Variants in HTR2C observed in about 807,000 individuals in gnomAD.
HTR2C encodes the protein 5-hydroxytryptamine receptor 2C.
HTR2C carries 5 observed loss-of-function variants against 21.0 expected under a neutral mutation model. The observed-to-expected ratio is 0.24, with a 90% CI of 0.12 to 0.50. HTR2C has a LOEUF of 0.50. Among genes scored for constraint, HTR2C ranks in the 20% least tolerant of loss-of-function variants. The pLI, the probability that HTR2C is intolerant of heterozygous loss-of-function variation, is 0.98. For missense variants in HTR2C, 271 were observed against 371.2 expected (o/e 0.73, Z 2.22); for synonymous variants, 150 against 145.3 (o/e 1.03, Z -0.23).
chrX:114,886,465 C>G (rs2071220822), intron 5 of HTR2C, among the ~76,000 whole-genome samples: 1 of 110,321 alleles, frequency 9.1e-6, no homozygotes, highest in African/African-American at 3.3e-5. Context: ...TGGATATTTT[C>G]TAATGTAGCA....
chrX:114,644,514 C>T (rs1476107037), intron 2 of HTR2C, among the ~76,000 whole-genome samples: 1 of 101,162 alleles, frequency 9.9e-6, no homozygotes, highest in Non-Finnish European at 2.0e-5. Context: ...CATGGGATTA[C>T]TAGAACCATT....
intron 2 of HTR2C, among the ~76,000 whole-genome samples, chrX:114,687,062 T>C (rs1336185796): frequency 9.0e-6 from 1 of 111,031 alleles, no homozygotes; most frequent in African/African-American, 3.3e-5. Context: ...GACACTGACT[T>C]AATTACACTG....
intron 5 of HTR2C, among the ~76,000 whole-genome samples, chrX:114,860,865 G>T (rs2071001290): frequency 9.0e-6 from 1 of 110,839 alleles, no homozygotes; most frequent in African/African-American, 3.3e-5. Flanking sequence ...TCACTGATCT[G>T]CTTTCTGTCA....
At chrX:114,804,863 A>ACCATTT (rs1407717407) in intron 4 of HTR2C, among the ~76,000 whole-genome samples, 1 of 111,723 alleles carries the variant, frequency 9.0e-6, no homozygotes, top group African/African-American at 3.3e-5. Flanking sequence ...TTTTTATGCT[A>ACCATTT]CCATTTGTTG....
intron 2 of HTR2C, among the ~76,000 whole-genome samples, chrX:114,726,146 G>T (rs1556421906): frequency 8.9e-6 from 1 of 112,254 alleles, no homozygotes; most frequent in East Asian, 2.8e-4. Flanking sequence ...ATCTCAGACT[G>T]CTGTGCTAGC....
At chrX:114,787,946 CAA>C (rs1204419085) in intron 4 of HTR2C, among the ~76,000 whole-genome samples, 31 of 33,749 alleles carry the variant, frequency 9.2e-4, no homozygotes, top group Middle Eastern at 0.019. Flanking sequence ...GACTCTGTCT[CAA>C]AAAAAAAAAA....
chrX:114,590,266 TA>T (rs2147787063), intron 1 of HTR2C, among the ~76,000 whole-genome samples: 1 of 112,158 alleles, frequency 8.9e-6, no homozygotes, highest in African/African-American at 3.2e-5. Flanking sequence ...AGTAGGTTTT[TA>T]AAAATTCAAA....
chrX:114,589,204 G>A (rs1395776557), intron 1 of HTR2C, among the ~76,000 whole-genome samples: 1 of 111,832 alleles, frequency 8.9e-6, no homozygotes, highest in Non-Finnish European at 1.9e-5. Context: ...TCCTCGATAT[G>A]CTGCTTGGCA....
intron 4 of HTR2C, 93 bp downstream of exon 4, chrX:114,731,700 C>T: frequency 5.7e-6 from 4 of 698,418 alleles, no homozygotes; most frequent in Non-Finnish European, 6.3e-6. Flanking sequence ...TTACTTGTAA[C>T]ATTTGGAAAA....
chrX:114,718,997 T>TG (rs1933092854), intron 2 of HTR2C, among the ~76,000 whole-genome samples: 1 of 10,387 alleles, frequency 9.6e-5, no homozygotes, highest in African/African-American at 1.6e-4. Flanking sequence ...AATAATATAA[T>TG]ATATAATAAT....
intron 4 of HTR2C, among the ~76,000 whole-genome samples, chrX:114,843,417 T>A (rs1168103416): frequency 9.0e-6 from 1 of 111,438 alleles, no homozygotes; most frequent in African/African-American, 3.3e-5. Context: ...AGGTCAATTG[T>A]GATTATCCAG....
intron 4 of HTR2C, among the ~76,000 whole-genome samples, chrX:114,761,335 G>GT (rs1178725778): frequency 1.8e-5 from 2 of 110,686 alleles, no homozygotes; most frequent in Non-Finnish European, 3.8e-5. Context: ...TAAAAGGGTT[G>GT]TTTTTTATCA....
intron 4 of HTR2C, among the ~76,000 whole-genome samples, chrX:114,806,736 C>T (rs868915499): frequency 1.4e-5 from 1 of 73,204 alleles, no homozygotes; most frequent in African/African-American, 5.0e-5. Flanking sequence ...CATATATATA[C>T]ACACCATATA....
At chrX:114,633,649 G>T (rs1929715819) in intron 2 of HTR2C, among the ~76,000 whole-genome samples, 2 of 110,737 alleles carry the variant, frequency 1.8e-5, no homozygotes, top group South Asian at 7.5e-4. Flanking sequence ...TTAAATATCT[G>T]AACATAAAAA....
At chrX:114,667,898 C>A (rs1347770573) in intron 2 of HTR2C, among the ~76,000 whole-genome samples, 4 of 111,835 alleles carry the variant, frequency 3.6e-5, no homozygotes, top group African/African-American at 6.5e-5. Context: ...TCTACAGACT[C>A]ATTTAATGCT....
At chrX:114,756,812 A>G (rs1556430395) in intron 4 of HTR2C, among the ~76,000 whole-genome samples, 7 of 111,579 alleles carry the variant, frequency 6.3e-5, no homozygotes. Flanking sequence ...ATTTTGCAAG[A>G]TGTTACCATT....
chrX:114,704,348 A>T (rs1932688123), intron 2 of HTR2C, among the ~76,000 whole-genome samples: 1 of 111,413 alleles, frequency 9.0e-6, no homozygotes, highest in South Asian at 3.8e-4. Context: ...GCACATCAAA[A>T]AGCTTATCCA....
intron 5 of HTR2C, among the ~76,000 whole-genome samples, chrX:114,864,868 T>G (rs2071033129): frequency 9.7e-6 from 1 of 103,546 alleles, no homozygotes; most frequent in Admixed American, 1.1e-4. Context: ...TTTGCTTTTT[T>G]GTTTTGGGGG....
At position 114,731,576 on chromosome X, in the gene HTR2C, C is replaced by G. The variant is rs782184144; in HGVS notation, c.318C>G (p.Val106=). The G allele has an allele frequency of 8.3e-7, 1 of 1,200,797 alleles. No homozygotes were observed. Among genetic ancestry groups the G allele is most frequent in the Admixed American group, 2.2e-5 (1 of 45,715 alleles). The change falls in exon 4 of 6, where the codon GTC becomes GTG. Residue 106 remains valine (V), a synonymous_variant. Coordinates refer to ENST00000276198, the MANE Select transcript of HTR2C (RefSeq NM_000868.4). The part of the protein sequence containing the change: ...AIADMLVGLL[V]MPLSLLAILY... The stretch of plus-strand genomic sequence containing the variant: ...CTGATATGCTAGTGGGACTACTTGT[C>G]ATGCCCCTGTCTCTCCTGGCAATCC...
Sources: allele counts gnomAD v4.1 joint callset (sites outside exome capture counted in the v4.1 genomes callset), GRCh38; gene constraint gnomAD v4.1.1; transcripts MANE v1.5; gene names NCBI Gene and HGNC (gene_info 2026-07-23, HGNC 2026-07-21).